The following FIP1L1 variants were observed in gnomAD, a reference collection of about 807,000 sequenced individuals.
FIP1L1 encodes pre-mRNA 3'-end-processing factor FIP1.
FIP1L1 carries 21 observed loss-of-function variants against 84.6 expected under a neutral mutation model. The observed-to-expected ratio is 0.25, with a 90% confidence interval of 0.18 to 0.36. The LOEUF is 0.36. Ranked by LOEUF, FIP1L1 falls within the 10% of genes least tolerant of loss-of-function variation. The pLI is 1.00. For synonymous variants in FIP1L1, 263 were observed against 242.3 expected (o/e 1.09, Z -0.80); for missense variants, 526 against 751.1 (o/e 0.70, Z 3.50).
In FIP1L1 at chr4:53,381,384, T is replaced by C. The variant is rs138894359; in HGVS notation, c.171-894T>C. ...TGCATTGCAGTCTCCAATTGTGTTA[T>C]ATCTATCCAAGTTTTGACTAAAGAA... On this transcript the variant is annotated intron_variant, in intron 3 of 17. Coordinates refer to ENST00000337488, the MANE Select transcript of FIP1L1 (RefSeq NM_030917.4). 4.5e-3 allele frequency among the ~76,000 whole-genome samples: 683 copies of C among 152,344 alleles called. 2 individuals carry two copies. Among genetic ancestry groups the C allele is most frequent in the Non-Finnish European group, 8.5e-3 (580 of 68,028 alleles).
intron 12 of FIP1L1, among the ~76,000 whole-genome samples, chr4:53,427,586 CAG>C (rs1764832808): frequency 6.6e-6 from 1 of 152,182 alleles, no homozygotes; most frequent in Non-Finnish European, 1.5e-5. Context: ...GGCCCTTGTA[CAG>C]TGAATGTCTG....
At chr4:53,422,303 T>G (rs1402509163) in intron 11 of FIP1L1, among the ~76,000 whole-genome samples, 2 of 152,146 alleles carry the variant, frequency 1.3e-5, no homozygotes, top group South Asian at 2.1e-4. Context: ...TTTTAAGTAT[T>G]GTTTCATGAA....
intron 11 of FIP1L1, among the ~76,000 whole-genome samples, chr4:53,419,974 C>T (rs769401408): frequency 6.6e-5 from 10 of 151,416 alleles, no homozygotes; most frequent in East Asian, 2.0e-4. Context: ...TTTGGGAGGC[C>T]GAGGCGGGTG....
At chr4:53,387,292 G>T (rs1741617366) in intron 5 of FIP1L1, among the ~76,000 whole-genome samples, 1 of 152,178 alleles carries the variant, frequency 6.6e-6, no homozygotes, top group Admixed American at 6.5e-5. Context: ...GTAAGATCCT[G>T]TCTCAAAGAA....
Position 53,425,947 on chromosome 4 carries a change from T to C in FIP1L1, c.999T>C (p.Asn333=). The C allele has an allele frequency of 1.9e-6, 3 of 1,611,288 alleles. No homozygotes were observed. Among genetic ancestry groups the C allele is most frequent in the Non-Finnish European group, 2.5e-6 (3 of 1,177,970 alleles). ...GAGTAGAAGGCAGGCGACGGGCAAATGAGAACAGCAACATACAGGTTTAGT... is the reference window on the plus strand; with the variant it reads ...GAGTAGAAGGCAGGCGACGGGCAAACGAGAACAGCAACATACAGGTTTAGT... ...ISRVEGRRRA[N]ENSNIQVLSE... The change falls in exon 12 of 18, where the codon AAT becomes AAC. Residue 333 remains asparagine, a synonymous_variant. Transcript: ENST00000337488.
At chr4:53,432,556 T>C (rs1463230311) in intron 13 of FIP1L1, among the ~76,000 whole-genome samples, 1 of 152,228 alleles carries the variant, frequency 6.6e-6, no homozygotes, top group Non-Finnish European at 1.5e-5. Context: ...AGTGGTTTCA[T>C]GCTTTTTCTG....
At chr4:53,388,176 G>A (rs1346022292) in intron 5 of FIP1L1, among the ~76,000 whole-genome samples, 1 of 152,120 alleles carries the variant, frequency 6.6e-6, no homozygotes, top group Non-Finnish European at 1.5e-5. Context: ...AGTCTTAAAT[G>A]TAGTACATCA....
intron 16 of FIP1L1, 72 bp from the exon 17 acceptor site, chr4:53,458,581 C>A: frequency 6.7e-7 from 1 of 1,497,352 alleles, no homozygotes; most frequent in Non-Finnish European, 9.0e-7. Flanking sequence ...CAGATCACAT[C>A]TCTTTTACAG....
chr4:53,404,276 T>C (rs1367780504), intron 10 of FIP1L1, among the ~76,000 whole-genome samples: 1 of 150,582 alleles, frequency 6.6e-6, no homozygotes, highest in Non-Finnish European at 1.5e-5. Context: ...TTTTTTGTTC[T>C]TGTGATAGTT....
At chr4:53,439,769 G>T (rs1771078956) in intron 13 of FIP1L1, among the ~76,000 whole-genome samples, 1 of 151,856 alleles carries the variant, frequency 6.6e-6, no homozygotes, top group South Asian at 2.1e-4. Context: ...AAATTTGCAT[G>T]CCACATAAAT....
chr4:53,400,542 G>A (rs985375607), intron 10 of FIP1L1, among the ~76,000 whole-genome samples: 1 of 152,096 alleles, frequency 6.6e-6, no homozygotes, highest in Non-Finnish European at 1.5e-5. Flanking sequence ...ACTATTACTA[G>A]TTCTCGGCCA....
chr4:53,396,847 C>G (rs917629845), intron 9 of FIP1L1, among the ~76,000 whole-genome samples: 2 of 152,160 alleles, frequency 1.3e-5, no homozygotes, highest in South Asian at 2.1e-4. Flanking sequence ...ATATAAATAA[C>G]CAGTGAACCA....
intron 13 of FIP1L1, among the ~76,000 whole-genome samples, chr4:53,441,899 A>G (rs1412310337): frequency 2.0e-5 from 3 of 151,986 alleles, no homozygotes; most frequent in Non-Finnish European, 4.4e-5. Context: ...ATCATAAGGA[A>G]TTGACATCAT....
At chr4:53,406,798 G>A (rs1753762050) in intron 10 of FIP1L1, among the ~76,000 whole-genome samples, 1 of 152,218 alleles carries the variant, frequency 6.6e-6, no homozygotes, top group Non-Finnish European at 1.5e-5. Context: ...TATTTGCGTA[G>A]AAGTGTTTGT....
chr4:53,420,097 C>T (rs964425410), intron 11 of FIP1L1, among the ~76,000 whole-genome samples: 1 of 147,040 alleles, frequency 6.8e-6, no homozygotes, highest in African/African-American at 2.5e-5. Context: ...ACTCAGGAGG[C>T]TGAGGCAGGA....
chr4:53,418,542 A>C (rs745400960), intron 11 of FIP1L1, among the ~76,000 whole-genome samples: 1 of 152,216 alleles, frequency 6.6e-6, no homozygotes, highest in Non-Finnish European at 1.5e-5. Flanking sequence ...AGAAGAGTGA[A>C]GCAGTTTCAG....
intron 10 of FIP1L1, among the ~76,000 whole-genome samples, chr4:53,408,492 G>A (rs868292411): frequency 3.3e-4 from 50 of 152,250 alleles, no homozygotes; most frequent in African/African-American, 1.2e-3. Context: ...CTCTTCTCAA[G>A]GAGTATCTTT....
chr4:53,421,850 T>C (rs1309051564), intron 11 of FIP1L1, among the ~76,000 whole-genome samples: 2 of 152,188 alleles, frequency 1.3e-5, no homozygotes, highest in Non-Finnish European at 2.9e-5. Flanking sequence ...TCTATACATA[T>C]CTATTTATTT....
intron 9 of FIP1L1, among the ~76,000 whole-genome samples, chr4:53,395,556 TATTA>T (rs1459948260): frequency 6.6e-6 from 1 of 152,178 alleles, no homozygotes; most frequent in Admixed American, 6.5e-5. Flanking sequence ...AAAATTTAGG[TATTA>T]ATTAAATAAT....
Sources: gnomAD v4.1 joint callset for allele counts (sites outside exome capture counted in the v4.1 genomes callset) on GRCh38, gnomAD v4.1.1 for gene constraint, MANE v1.5 for transcripts, NCBI Gene and HGNC (gene_info 2026-07-23, HGNC 2026-07-21) for gene names.